Variants in STX17 observed in about 807,000 individuals in gnomAD.
The protein encoded by STX17 is syntaxin-17.
STX17 carries 29 observed loss-of-function variants against 35.9 expected under a neutral mutation model. That is an observed-to-expected ratio of 0.81 (90% CI 0.60 to 1.10). STX17 has a LOEUF of 1.10. STX17 is among the 50% of genes least tolerant of loss of function. The probability of loss-of-function intolerance (pLI) is 0.00; values close to 1 mark genes in which losing one functional copy is unlikely to be tolerated. For missense variants in STX17, 312 were observed against 352.3 expected, an observed-to-expected ratio of 0.89 and a Z score of 0.92; for synonymous variants, 92 against 118.3, an observed-to-expected ratio of 0.78 and a Z score of 1.44.
In STX17 at chr9:99,960,104, G is replaced by T; in HGVS notation, c.532-1G>T. On this transcript the variant is annotated splice_acceptor_variant, in intron 5 of 7. Transcript: ENST00000259400. LOFTEE classifies it high-confidence loss of function. ...TAACTTCCTCTCCCTTTCTTTTAAA[G>T]GACTTAATTGAACTTAGCCAACTGG... is the stretch of plus-strand genomic sequence containing the variant. 1 of 1,614,030 alleles carries T rather than the reference G, an allele frequency of 6.2e-7. No homozygotes were observed. The highest frequency in any genetic ancestry group is 8.5e-7 in the Non-Finnish European group (1 of 1,179,976).
At chr9:99,956,416 T>G (rs1829712554) in intron 4 of STX17, among the ~76,000 whole-genome samples, 1 of 152,266 alleles carries the variant, frequency 6.6e-6, no homozygotes, top group Admixed American at 6.5e-5. Context: ...AAGTTCTCCT[T>G]TATATTTGAT....
intron 3 of STX17, among the ~76,000 whole-genome samples, chr9:99,929,482 C>T (rs1289072934): frequency 6.6e-6 from 1 of 151,828 alleles, no homozygotes; most frequent in Non-Finnish European, 1.5e-5. Flanking sequence ...CTATATTCTC[C>T]ACCTACAAGT....
At position 99,964,380 on chromosome 9, in the gene STX17, G is replaced by A. The variant is rs967622817; in HGVS notation, c.583-3273G>A. ...TTCAATGTTCTTTAAAATGAAATCC[G>A]TAGACATATTCTTAGAGTCATTTGA... On this transcript the variant is annotated intron_variant, in intron 6 of 7. Transcript: ENST00000259400. Among the ~76,000 whole-genome samples the A allele has an allele frequency of 5.3e-5, 8 of 152,022 alleles. No homozygotes were observed. The East Asian group carries it at 9.6e-4, about 18-fold the overall frequency.
intron 7 of STX17, 79 bp downstream of exon 7, chr9:99,967,818 C>A: frequency 8.1e-7 from 1 of 1,240,712 alleles, no homozygotes; most frequent in Non-Finnish European, 1.2e-6. Flanking sequence ...TTGATCTGCT[C>A]TCTTCAATGT....
chr9:99,916,429 TTATTC>T (rs1828774501), intron 2 of STX17, among the ~76,000 whole-genome samples: 1 of 73,806 alleles, frequency 1.4e-5, no homozygotes, highest in South Asian at 3.4e-4. Flanking sequence ...ATTTATTTAT[TTATTC>T]ATTCATTCAT....
In STX17 at chr9:99,968,798, A is replaced by G. The variant is rs1385743885; in HGVS notation, c.*125A>G. On this transcript the variant is annotated 3_prime_UTR_variant, in exon 8 of 8. Coordinates refer to ENST00000259400, the MANE Select transcript of STX17 (RefSeq NM_017919.3). ...TAGTGGCTACTGATGTTCAAGTGGG[A>G]TTGAAGTGTGATAAATGGATATATT... 2.8e-6 allele frequency: 4 copies of G among 1,416,762 alleles called. No homozygotes were observed. In the African/African-American group the frequency reaches 5.8e-5, roughly 20 times the overall value. 87.8% of individuals were successfully genotyped at this position (1,416,762 alleles called of 1,614,324 possible). A position where few individuals can be genotyped will look rare whatever the true frequency, so the allele number is the denominator to read the frequency against.
chr9:99,924,633 C>T (rs1302469686), intron 2 of STX17, among the ~76,000 whole-genome samples: 1 of 152,082 alleles, frequency 6.6e-6, no homozygotes, highest in African/African-American at 2.4e-5. Context: ...ATCATTGGGC[C>T]ACCTTTTAAT....
intron 6 of STX17, chr9:99,967,128 A>C (rs1391347828): frequency 6.4e-6 from 1 of 155,478 alleles, no homozygotes; most frequent in Non-Finnish European, 1.4e-5. Flanking sequence ...TTACAAATGG[A>C]AAGATCTCAT....
At chr9:99,953,952 AG>A (rs1299796996) in intron 4 of STX17, 1 of 152,056 alleles carries the variant, frequency 6.6e-6, no homozygotes, top group African/African-American at 2.4e-5. Context: ...TAATAGAAAA[AG>A]GCAGTTTACC....
intron 2 of STX17, 30 bp from the exon 3 acceptor site, chr9:99,928,748 T>C: frequency 6.3e-7 from 1 of 1,596,902 alleles, no homozygotes; most frequent in Middle Eastern, 1.7e-4. Context: ...TGATGAAAAA[T>C]TTAATACCTC....
intron 6 of STX17, among the ~76,000 whole-genome samples, chr9:99,964,034 TTAAA>T (rs1204231593): frequency 2.6e-5 from 4 of 150,970 alleles, no homozygotes; most frequent in African/African-American, 9.8e-5. Context: ...TATTACCCTC[TTAAA>T]TAAACTCGTA....
chr9:99,945,636 A>C (rs1302132040), intron 3 of STX17: 1 of 267,322 alleles, frequency 3.7e-6, no homozygotes, highest in Non-Finnish European at 7.5e-6. Flanking sequence ...GCTATTTCTT[A>C]AACATATTTT....
At position 99,959,862 on chromosome 9, in the gene STX17, C is replaced by G. The variant is rs971492140; in HGVS notation, c.416-55C>G. The G allele has an allele frequency of 4.6e-6, 6 of 1,305,688 alleles. No homozygotes were observed. In the African/African-American group the frequency reaches 7.4e-5, roughly 16 times the overall value. The allele number at this position is 1,305,688 out of a possible 1,614,324, so 80.9% of individuals were successfully genotyped here. On this transcript the variant is annotated intron_variant, in intron 4 of 7. Coordinates refer to ENST00000259400, the MANE Select transcript of STX17 (RefSeq NM_017919.3). ...GTTTTATGAAATCAATTTATGCTGT[C>G]TCTTTTCTAACAAAGCAAATAAACT...
At chr9:99,909,181 C>T (rs903861034) in intron 1 of STX17, among the ~76,000 whole-genome samples, 18 of 152,220 alleles carry the variant, frequency 1.2e-4, no homozygotes, top group African/African-American at 4.3e-4. Context: ...ATATTGTTTT[C>T]TAAAGTGGCT....
intron 6 of STX17, among the ~76,000 whole-genome samples, chr9:99,965,786 TG>T (rs796478925): frequency 5.1e-4 from 78 of 152,338 alleles, no homozygotes; most frequent in African/African-American, 1.8e-3. Context: ...ATATATTTTT[TG>T]ATAGAGAGAT....
intron 3 of STX17, among the ~76,000 whole-genome samples, chr9:99,932,480 T>A (rs1829145823): frequency 6.6e-6 from 1 of 152,196 alleles, no homozygotes. Flanking sequence ...CTGCAGCACC[T>A]GGTGCCCAGC....
At chr9:99,910,621 T>C (rs1247367329) in intron 1 of STX17, among the ~76,000 whole-genome samples, 1 of 152,234 alleles carries the variant, frequency 6.6e-6, no homozygotes, top group Non-Finnish European at 1.5e-5. Flanking sequence ...CAATGTGTAA[T>C]GATCAAATCA....
intron 2 of STX17, among the ~76,000 whole-genome samples, chr9:99,918,584 T>C (rs554568649): frequency 2.2e-4 from 34 of 152,102 alleles, no homozygotes; most frequent in African/African-American, 6.7e-4. Flanking sequence ...TCTCTCTCTC[T>C]TTCTTCTGTT....
intron 3 of STX17, among the ~76,000 whole-genome samples, chr9:99,933,809 C>G (rs1186571899): frequency 6.6e-6 from 1 of 152,150 alleles, no homozygotes; most frequent in Non-Finnish European, 1.5e-5. Flanking sequence ...TTATTTTCCC[C>G]ATTTTTGTCA....
Sources: gnomAD v4.1 joint callset for allele counts (sites outside exome capture counted in the v4.1 genomes callset) on GRCh38, gnomAD v4.1.1 for gene constraint, MANE v1.5 for transcripts, NCBI Gene and HGNC (gene_info 2026-07-23, HGNC 2026-07-21) for gene names.